The following GAS7 variants were observed in gnomAD, a reference collection of about 807,000 sequenced individuals.
GAS7 encodes the protein growth arrest specific 7.
A neutral mutation model predicts 71.1 loss-of-function variants in GAS7; 28 were observed. That is an observed-to-expected ratio of 0.39 (90% CI 0.29 to 0.54). The LOEUF (loss-of-function observed/expected upper bound fraction) is 0.54, where lower values mean the gene tolerates loss of function less well. Ranked by LOEUF, GAS7 falls within the 20% of genes least tolerant of loss-of-function variation. The pLI, the probability that GAS7 is intolerant of heterozygous loss-of-function variation, is 0.62. For missense variants in GAS7, 436 were observed against 627.8 expected (o/e 0.69, Z 3.27); for synonymous variants, 258 against 245.8 (o/e 1.05, Z -0.46).
intron 3 of GAS7, among the ~76,000 whole-genome samples, chr17:9,978,947 G>A (rs1042527961): frequency 6.6e-6 from 1 of 152,114 alleles, no homozygotes; most frequent in Non-Finnish European, 1.5e-5. Flanking sequence ...AGACTTGCCT[G>A]TGCATTGTGG....
intron 7 of GAS7, among the ~76,000 whole-genome samples, chr17:9,941,264 A>ACTTCCT (rs1249574472): frequency 6.6e-6 from 1 of 152,060 alleles, no homozygotes; most frequent in Non-Finnish European, 1.5e-5. Context: ...TGCCTCTGTC[A>ACTTCCT]CTTCCTCTCC....
intron 5 of GAS7, among the ~76,000 whole-genome samples, chr17:9,951,698 G>A (rs565011948): frequency 1.6e-4 from 23 of 145,574 alleles, no homozygotes; most frequent in Non-Finnish European, 2.8e-4. Flanking sequence ...TGGCGGTTGC[G>A]GTGAGCCAAG....
intron 1 of GAS7, among the ~76,000 whole-genome samples, chr17:10,196,892 C>G (rs1280759955): frequency 2.0e-5 from 3 of 152,202 alleles, no homozygotes; most frequent in Non-Finnish European, 4.4e-5. Context: ...CAGGGCACAC[C>G]TGAGCCTCTC....
chr17:10,072,150 C>G (rs576694213), intron 1 of GAS7, among the ~76,000 whole-genome samples: 1 of 152,146 alleles, frequency 6.6e-6, no homozygotes, highest in East Asian at 1.9e-4. Flanking sequence ...CCCATTAAAC[C>G]AGGATCCCTA....
intron 1 of GAS7, among the ~76,000 whole-genome samples, chr17:10,163,621 C>G (rs80248857): frequency 0.017 from 2,647 of 152,226 alleles, 96 homozygotes; most frequent in African/African-American, 0.061. Flanking sequence ...ACTCCTGCAT[C>G]TTACCTCAGC....
At chr17:9,961,908 T>C (rs76865813) in intron 4 of GAS7, among the ~76,000 whole-genome samples, 130 of 152,336 alleles carry the variant, frequency 8.5e-4, no homozygotes, top group African/African-American at 2.8e-3. Flanking sequence ...TTGTTTTCCA[T>C]GTGTCTTTGC....
intron 6 of GAS7, among the ~76,000 whole-genome samples, chr17:9,945,802 C>T (rs1434278121): frequency 6.6e-6 from 1 of 151,798 alleles, no homozygotes; most frequent in Non-Finnish European, 1.5e-5. Context: ...GAAATCCTGT[C>T]TCTATTAAAA....
intron 1 of GAS7, among the ~76,000 whole-genome samples, chr17:10,028,478 A>G (rs974631640): frequency 1.4e-4 from 21 of 152,212 alleles, no homozygotes; most frequent in Non-Finnish European, 2.4e-4. Context: ...TGTTTATTTT[A>G]TTGCAGAAAA....
chr17:10,144,791 T>C (rs2074109101), intron 1 of GAS7, among the ~76,000 whole-genome samples: 1 of 152,062 alleles, frequency 6.6e-6, no homozygotes, highest in Non-Finnish European at 1.5e-5. Flanking sequence ...CAAGCAATCC[T>C]CCCACCTTGA....
intron 8 of GAS7, among the ~76,000 whole-genome samples, chr17:9,936,666 T>G (rs1015647983): frequency 9.9e-5 from 15 of 152,002 alleles, no homozygotes; most frequent in African/African-American, 3.4e-4. Context: ...ACTTACAAAT[T>G]CTCTCATTTG....
At chr17:10,133,114 A>ATATATATATATATATATAT (rs1567605014) in intron 1 of GAS7, among the ~76,000 whole-genome samples, 6 of 122,938 alleles carry the variant, frequency 4.9e-5, no homozygotes, top group African/African-American at 1.8e-4. Flanking sequence ...TAGATTATAT[A>ATATATATATATATATATAT]TTTTTATATT....
intron 1 of GAS7, among the ~76,000 whole-genome samples, chr17:10,156,319 T>C (rs1377676094): frequency 6.6e-6 from 1 of 152,204 alleles, no homozygotes; most frequent in African/African-American, 2.4e-5. Context: ...GCCTGTTTCT[T>C]GACTCAAGCC....
intron 1 of GAS7, among the ~76,000 whole-genome samples, chr17:10,130,706 A>T (rs1352580348): frequency 6.6e-6 from 1 of 152,258 alleles, no homozygotes; most frequent in African/African-American, 2.4e-5. Context: ...TGCTACAAGG[A>T]GAAAGAGCCT....
intron 12 of GAS7, among the ~76,000 whole-genome samples, chr17:9,918,501 T>C (rs907855604): frequency 2.0e-5 from 3 of 152,180 alleles, no homozygotes; most frequent in Admixed American, 1.3e-4. Flanking sequence ...CCAGAGTCCA[T>C]CAGGCTGTTA....
At position 10,034,363 on chromosome 17, in the gene GAS7, C is replaced by T. The variant is rs1327243928; in HGVS notation, c.184-14466G>A. The T allele has an allele frequency of 3.2e-6, 1 of 309,744 alleles. No homozygotes were observed. Among genetic ancestry groups the T allele is most frequent in the Admixed American group, 6.5e-5 (1 of 15,336 alleles). 19.2% of individuals were successfully genotyped at this position (309,744 alleles called of 1,614,324 possible). On this transcript the variant is annotated intron_variant, in intron 1 of 13. Coordinates refer to ENST00000432992, the MANE Select transcript of GAS7 (RefSeq NM_201433.2). The surrounding 1 kb of genome is among the most constrained non-coding windows in gnomAD (Gnocchi z 4.4). ...TTGCTGTGTCACCCAGGCTGGAGTG[C>T]AGTGGCGTGATCTCGGCTCACTGCA...
chr17:10,009,288 T>G (rs1485387003), intron 2 of GAS7, among the ~76,000 whole-genome samples: 1 of 131,528 alleles, frequency 7.6e-6, no homozygotes, highest in African/African-American at 3.1e-5. Flanking sequence ...GCCACTGCAC[T>G]CCAGTCTGGG....
chr17:9,941,970 T>G (rs757570998), intron 7 of GAS7, among the ~76,000 whole-genome samples: 5 of 152,176 alleles, frequency 3.3e-5, no homozygotes, highest in African/African-American at 4.8e-5. Context: ...GAAATATTTT[T>G]GGTCTGGCAC....
intron 1 of GAS7, among the ~76,000 whole-genome samples, chr17:10,071,852 G>A (rs2073342528): frequency 6.6e-6 from 1 of 150,860 alleles, no homozygotes; most frequent in South Asian, 2.1e-4. Context: ...CAGGAGAATC[G>A]CTGGAACCCA....
chr17:10,150,261 T>C (rs1567611253), intron 1 of GAS7, among the ~76,000 whole-genome samples: 1 of 152,202 alleles, frequency 6.6e-6, no homozygotes, highest in Non-Finnish European at 1.5e-5. Context: ...ACATTTACGT[T>C]GATTTCATCT....
Sources: gnomAD v4.1 joint callset for allele counts (sites outside exome capture counted in the v4.1 genomes callset) on GRCh38, gnomAD v4.1.1 for gene constraint, Gnocchi (gnomAD v3.1) non-coding constraint, MANE v1.5 for transcripts, NCBI Gene and HGNC (gene_info 2026-07-23, HGNC 2026-07-21) for gene names.